The following ZNF184 variants were observed in gnomAD, a reference collection of about 807,000 sequenced individuals.
ZNF184 encodes the protein zinc finger protein 184, also known as zinc finger protein 184 (Kruppel-like).
In ZNF184, 16 loss-of-function variants were observed where a neutral mutation model predicts 54.4. That is an observed-to-expected ratio of 0.29 (90% CI 0.20 to 0.45). ZNF184 has a LOEUF of 0.45. Ranked by LOEUF, ZNF184 falls within the 20% of genes least tolerant of loss-of-function variation. The pLI, the probability that ZNF184 is intolerant of heterozygous loss-of-function variation, is 1.00. For missense variants in ZNF184, 681 were observed against 888.2 expected, an observed-to-expected ratio of 0.77 and a Z score of 2.97; for synonymous variants, 254 against 295.3, an observed-to-expected ratio of 0.86 and a Z score of 1.43.
downstream of ZNF184, among the ~76,000 whole-genome samples, chr6:27,448,948 G>A (rs1228177294): frequency 6.6e-6 from 1 of 152,134 alleles, no homozygotes; most frequent in Non-Finnish European, 1.5e-5. Flanking sequence ...TGTGAGCTCT[G>A]CAACAGAATA....
At chr6:27,428,792 T>C in the ZNF184 span, among the ~76,000 whole-genome samples, 1 of 152,214 alleles carries the variant, frequency 6.6e-6, no homozygotes, top group Non-Finnish European at 1.5e-5. This position sits in a 1 kb window ranked among gnomAD's most constrained non-coding sequence, Gnocchi z 4.1. Flanking sequence ...AGCCTCAGTT[T>C]TTCTCATCTG....
the ZNF184 span, among the ~76,000 whole-genome samples, chr6:27,419,994 T>G: frequency 6.6e-6 from 1 of 152,310 alleles, no homozygotes; most frequent in South Asian, 2.1e-4. This position sits in a 1 kb window ranked among gnomAD's most constrained non-coding sequence, Gnocchi z 4.8. Flanking sequence ...CACTATTCCC[T>G]TTGTCTGGAA....
chr6:27,443,485 T>C, the ZNF184 span, among the ~76,000 whole-genome samples: 1 of 152,214 alleles, frequency 6.6e-6, no homozygotes, highest in African/African-American at 2.4e-5. Flanking sequence ...ATGTATGTAA[T>C]CAATCCATTC....
chr6:27,447,072 C>A (rs11962357), downstream of ZNF184, among the ~76,000 whole-genome samples: 4,465 of 30,718 alleles, frequency 0.15, 136 homozygotes, highest in Non-Finnish European at 0.17. Context: ...CCACTGCAAT[C>A]AAAAAAAAAA....
chr6:27,426,212 C>A, the ZNF184 span, among the ~76,000 whole-genome samples: 5 of 152,290 alleles, frequency 3.3e-5, no homozygotes, highest in African/African-American at 1.2e-4. The surrounding 1 kb of genome is among the most constrained non-coding windows in gnomAD (Gnocchi z 4.2). Flanking sequence ...CATCAATGTG[C>A]CTGACAGAGT....
intron 3 of ZNF184, among the ~76,000 whole-genome samples, chr6:27,463,975 C>A (rs150304395): frequency 6.6e-6 from 1 of 151,288 alleles, no homozygotes; most frequent in African/African-American, 2.4e-5. Flanking sequence ...TCAACCTTGG[C>A]GCTATTGATA....
At chr6:27,411,282 G>T in the ZNF184 span, among the ~76,000 whole-genome samples, 5 of 152,146 alleles carry the variant, frequency 3.3e-5, no homozygotes, top group South Asian at 1.0e-3. Context: ...GAGTTCTCAT[G>T]ATTTAATCAC....
At chr6:27,438,966 C>T in the ZNF184 span, among the ~76,000 whole-genome samples, 4 of 152,110 alleles carry the variant, frequency 2.6e-5, no homozygotes, top group African/African-American at 7.2e-5. Context: ...ATGGCACATT[C>T]GCTTTAATTT....
At chr6:27,470,725 C>T (rs1581591636) in intron 2 of ZNF184, among the ~76,000 whole-genome samples, 1 of 152,220 alleles carries the variant, frequency 6.6e-6, no homozygotes, top group Non-Finnish European at 1.5e-5. Flanking sequence ...GTTACAGAAA[C>T]CAACTGTGTG....
the ZNF184 span, chr6:27,407,890 T>A: frequency 2.3e-6 from 2 of 872,786 alleles, no homozygotes; most frequent in Non-Finnish European, 4.0e-6. Flanking sequence ...GCACCACTAA[T>A]GAGTGAAGAT....
chr6:27,423,504 CAT>C, the ZNF184 span, among the ~76,000 whole-genome samples: 8 of 152,132 alleles, frequency 5.3e-5, no homozygotes, highest in Non-Finnish European at 8.8e-5. Flanking sequence ...TTTTCACTAT[CAT>C]TATAATAATT....
At position 27,452,546 on chromosome 6, in the gene ZNF184, T is replaced by A; in HGVS notation, c.1013A>T (p.Glu338Val). 6.2e-7 allele frequency: 1 copy of A among 1,614,156 alleles called. No individual in the cohort carries two copies. The highest frequency in any genetic ancestry group is 8.5e-7 in the Non-Finnish European group (1 of 1,180,034). ...TCTCTGGCTAAAGGCTTTTCCACACTCATTACAAGTGTATGGCTTCTCGCC... is the reference window on the plus strand; with the variant it reads ...TCTCTGGCTAAAGGCTTTTCCACACACATTACAAGTGTATGGCTTCTCGCC... ...HTGEKPYTCN[E>V]CGKAFSQRGH... The change falls in exon 6 of 6, where the codon GAG becomes GTG. Residue 338 changes from glutamate to valine, a missense_variant. Transcript: ENST00000683788. This position sits in a 1 kb window ranked among gnomAD's most constrained non-coding sequence, Gnocchi z 5.5.
the ZNF184 span, among the ~76,000 whole-genome samples, chr6:27,419,540 A>AGAT: frequency 6.7e-6 from 1 of 148,172 alleles, no homozygotes; most frequent in African/African-American, 2.4e-5. The surrounding 1 kb of genome is among the most constrained non-coding windows in gnomAD (Gnocchi z 4.8). Context: ...ATAGATAGAT[A>AGAT]GATAGATAGA....
the ZNF184 span, among the ~76,000 whole-genome samples, chr6:27,419,571 TA>T: frequency 2.0e-3 from 301 of 152,214 alleles, 2 homozygotes; most frequent in Admixed American, 4.6e-3. The surrounding 1 kb of genome is among the most constrained non-coding windows in gnomAD (Gnocchi z 4.8). Context: ...GATAGATAGA[TA>T]GATTCATAAA....
chr6:27,424,816 C>CA, the ZNF184 span, among the ~76,000 whole-genome samples: 1 of 151,958 alleles, frequency 6.6e-6, no homozygotes. Flanking sequence ...CAGTCCCGCG[C>CA]AGTGCGCCCA....
the ZNF184 span, among the ~76,000 whole-genome samples, chr6:27,420,378 C>G: frequency 7.9e-5 from 12 of 152,092 alleles, no homozygotes; most frequent in Non-Finnish European, 1.5e-4. Context: ...CTTTCAACTC[C>G]CCCTTACTCT....
rs1210743052 is a variant in ZNF184 at position 27,457,301 on chromosome 6, T to G, written c.184A>C (p.Thr62Pro). 6.2e-7 allele frequency: 1 copy of G among 1,614,092 alleles called. No individual in the cohort carries two copies. The highest frequency in any genetic ancestry group is 1.3e-5 in the African/African-American group (1 of 75,026). The change falls in exon 4 of 6, where the codon ACA becomes CCA. Residue 62 changes from threonine (T) to proline (P), a missense_variant. Physicochemically the swap from Thr to Pro is conservative, Grantham distance 38 (BLOSUM62 -1). Transcript: ENST00000683788. ...TCCTTACCTATAGAGACCAGGTGTG[T>G]ATAATTTTCCAATGTCACATCCCTG... ...LFRDVTLENYTHLVSIGLQVS... is the reference protein window; with the variant it reads ...LFRDVTLENYPHLVSIGLQVS...
At chr6:27,441,154 T>G in the ZNF184 span, among the ~76,000 whole-genome samples, 1 of 152,230 alleles carries the variant, frequency 6.6e-6, no homozygotes. Flanking sequence ...TTTGGTGATT[T>G]ACTGATAGGC....
Position 27,452,408 on chromosome 6 carries a change from T to C in ZNF184, c.1151A>G (p.His384Arg). 1.2e-6 allele frequency: 2 copies of C among 1,614,010 alleles called. No individual in the cohort carries two copies. Among genetic ancestry groups the C allele is most frequent in the Non-Finnish European group, 1.7e-6 (2 of 1,179,984 alleles). ...ACATTTATAGGTTTTTTCTCCAGTATGAATTTTTTGATGTTGAGTAAGGTG... is the reference window on the plus strand; with the variant it reads ...ACATTTATAGGTTTTTTCTCCAGTACGAATTTTTTGATGTTGAGTAAGGTG... Reference protein sequence around the residue: ...STHLTQHQKIHTGEKTYKCNE... With the variant: ...STHLTQHQKIRTGEKTYKCNE... Residue 384 changes from histidine to arginine, a missense_variant, in exon 6 of 6, where the codon CAT becomes CGT. Physicochemically the swap from His to Arg is conservative, Grantham distance 29 (BLOSUM62 0). Coordinates refer to ENST00000683788, the MANE Select transcript of ZNF184 (RefSeq NM_001318891.2). The surrounding 1 kb of genome is among the most constrained non-coding windows in gnomAD (Gnocchi z 5.5).
Sources: allele counts gnomAD v4.1 joint callset (sites outside exome capture counted in the v4.1 genomes callset), GRCh38; gene constraint gnomAD v4.1.1; non-coding constraint Gnocchi (gnomAD v3.1); transcripts MANE v1.5; gene names NCBI Gene and HGNC (gene_info 2026-07-23, HGNC 2026-07-21).